LY96: variants seen among roughly 807,000 people sequenced by gnomAD.
LY96 encodes lymphocyte antigen 96.
A neutral mutation model predicts 18.9 loss-of-function variants in LY96; 18 were observed. The observed-to-expected ratio is 0.95, with a 90% CI of 0.66 to 1.41. LY96 has a LOEUF of 1.41. LY96 is among the 40% of genes most tolerant of loss of function. The probability of loss-of-function intolerance (pLI) is 0.00; values close to 1 mark genes in which losing one functional copy is unlikely to be tolerated. For missense variants in LY96, 175 were observed against 182.4 expected (o/e 0.96, Z 0.23); for synonymous variants, 66 against 62.6 (o/e 1.06, Z -0.26).
the LY96 span, among the ~76,000 whole-genome samples, chr8:74,040,369 G>A: frequency 6.6e-6 from 1 of 152,164 alleles, no homozygotes; most frequent in African/African-American, 2.4e-5. Flanking sequence ...TTTTGGTTTG[G>A]TTGCTTGTGC....
intron 3 of LY96, among the ~76,000 whole-genome samples, chr8:74,010,646 C>T (rs1816510871): frequency 6.6e-6 from 1 of 151,818 alleles, no homozygotes; most frequent in South Asian, 2.1e-4. Context: ...ACACATCATA[C>T]ATAGTTTTAA....
the LY96 span, chr8:74,055,935 A>G: frequency 6.6e-6 from 1 of 152,606 alleles, no homozygotes; most frequent in Non-Finnish European, 1.5e-5. Context: ...AAGGAAGCCA[A>G]GAAGGAAGTG....
At chr8:74,095,907 G>T in the LY96 span, among the ~76,000 whole-genome samples, 4 of 152,154 alleles carry the variant, frequency 2.6e-5, no homozygotes, top group Non-Finnish European at 5.9e-5. Flanking sequence ...TCTATTCCAT[G>T]TCTCTGCATT....
intron 3 of LY96, among the ~76,000 whole-genome samples, chr8:74,016,062 G>A (rs955860785): frequency 3.3e-5 from 5 of 152,238 alleles, no homozygotes; most frequent in Non-Finnish European, 7.3e-5. Flanking sequence ...GTGGGGCATT[G>A]CCTCACCCAG....
At chr8:74,067,985 C>T in the LY96 span, among the ~76,000 whole-genome samples, 5 of 146,550 alleles carry the variant, frequency 3.4e-5, no homozygotes, top group Middle Eastern at 3.7e-3. Flanking sequence ...TGCTTGAACC[C>T]AGGAGGTGAA....
the LY96 span, among the ~76,000 whole-genome samples, chr8:74,091,591 C>G: frequency 2.6e-5 from 4 of 152,160 alleles, no homozygotes; most frequent in Admixed American, 2.0e-4. Context: ...AAATGGAAGG[C>G]CTTGAGAACT....
chr8:74,060,849 G>A, the LY96 span, among the ~76,000 whole-genome samples: 5 of 152,202 alleles, frequency 3.3e-5, no homozygotes, highest in East Asian at 1.9e-4. Flanking sequence ...CCAGGCCCAC[G>A]TGGTCCTTCC....
chr8:74,044,126 A>T, the LY96 span, among the ~76,000 whole-genome samples: 1 of 152,168 alleles, frequency 6.6e-6, no homozygotes, highest in Non-Finnish European at 1.5e-5. Flanking sequence ...AAGGTAAACA[A>T]CACTTAGTAA....
the LY96 span, among the ~76,000 whole-genome samples, chr8:74,081,014 CTT>C: frequency 7.6e-6 from 1 of 131,776 alleles, no homozygotes; most frequent in South Asian, 2.2e-4. Context: ...TTCTTTCTTT[CTT>C]TCTTTCTTTC....
the LY96 span, among the ~76,000 whole-genome samples, chr8:74,088,739 C>T: frequency 6.6e-6 from 1 of 152,304 alleles, no homozygotes; most frequent in East Asian, 1.9e-4. Flanking sequence ...GCACCTACCA[C>T]TACACCTGGT....
the LY96 span, among the ~76,000 whole-genome samples, chr8:74,042,716 T>G: frequency 1.3e-5 from 2 of 152,104 alleles, no homozygotes; most frequent in Admixed American, 1.3e-4. Context: ...GTTCTAGTCT[T>G]TAGTAGTCCT....
At chr8:74,071,032 C>T in the LY96 span, among the ~76,000 whole-genome samples, 1 of 152,084 alleles carries the variant, frequency 6.6e-6, no homozygotes. Context: ...TTATTCTCAT[C>T]CCCATTTTAA....
chr8:74,081,793 A>G, the LY96 span, among the ~76,000 whole-genome samples: 1 of 152,132 alleles, frequency 6.6e-6, no homozygotes, highest in Non-Finnish European at 1.5e-5. Context: ...AGCTGGGGCT[A>G]CAGGTGTGCA....
At chr8:74,003,550 C>T (rs1816344733) in intron 1 of LY96, among the ~76,000 whole-genome samples, 1 of 152,222 alleles carries the variant, frequency 6.6e-6, no homozygotes, top group South Asian at 2.1e-4. Context: ...TAGTTCAGGC[C>T]TGCTCAGGCT....
At chr8:74,033,341 GA>G (rs1817000859), downstream of LY96, among the ~76,000 whole-genome samples, 1 of 152,162 alleles carries the variant, frequency 6.6e-6, no homozygotes, top group Non-Finnish European at 1.5e-5. Context: ...CCCTAGATTG[GA>G]AAATATAAGA....
chr8:74,075,129 A>G, the LY96 span, among the ~76,000 whole-genome samples: 2 of 152,180 alleles, frequency 1.3e-5, 1 homozygote, highest in South Asian at 4.1e-4. Context: ...CTCTCCCTTT[A>G]GCTCTAATAT....
the LY96 span, among the ~76,000 whole-genome samples, chr8:74,047,464 G>A: frequency 6.6e-5 from 10 of 152,308 alleles, 1 homozygote; most frequent in African/African-American, 2.2e-4. Flanking sequence ...ACAGGAGGAA[G>A]AATATCTTAG....
chr8:74,091,546 T>G, the LY96 span, among the ~76,000 whole-genome samples: 1 of 152,162 alleles, frequency 6.6e-6, no homozygotes, highest in African/African-American at 2.4e-5. Flanking sequence ...GATGAAATTG[T>G]ATTCTTTCAT....
the LY96 span, among the ~76,000 whole-genome samples, chr8:74,041,750 C>T: frequency 2.0e-5 from 3 of 152,228 alleles, no homozygotes; most frequent in African/African-American, 4.8e-5. Context: ...CGGTTCTCTG[C>T]TCTTGAACCC....
Sources: gnomAD v4.1 joint callset for allele counts (sites outside exome capture counted in the v4.1 genomes callset) on GRCh38, gnomAD v4.1.1 for gene constraint, MANE v1.5 for transcripts, NCBI Gene and HGNC (gene_info 2026-07-23, HGNC 2026-07-21) for gene names.